Variants in GLRA2 observed in about 807,000 individuals in gnomAD.
GLRA2 encodes the protein glycine receptor subunit alpha-2.
A neutral mutation model predicts 31.6 loss-of-function variants in GLRA2; 11 were observed. That is an observed-to-expected ratio of 0.35 (90% CI 0.22 to 0.58). The LOEUF (loss-of-function observed/expected upper bound fraction) is 0.58, where lower values mean the gene tolerates loss of function less well. Among genes scored for constraint, GLRA2 ranks in the 20% least tolerant of loss-of-function variants. GLRA2 has a pLI of 0.84. For synonymous variants in GLRA2, 132 were observed against 134.0 expected, an observed-to-expected ratio of 0.99 and a Z score of 0.10; for missense variants, 212 against 351.8, an observed-to-expected ratio of 0.60 and a Z score of 3.18.
intron 2 of GLRA2, among the ~76,000 whole-genome samples, chrX:14,548,237 T>C (rs749374430): frequency 9.0e-6 from 1 of 111,261 alleles, no homozygotes; most frequent in East Asian, 2.9e-4. Flanking sequence ...TCCTTATATA[T>C]AACCTAGGAT....
the GLRA2 span, among the ~76,000 whole-genome samples, chrX:14,518,196 T>C: frequency 5.4e-5 from 6 of 112,097 alleles, no homozygotes; most frequent in Non-Finnish European, 3.8e-5. Context: ...AATTAAAGTC[T>C]GAAGAGGCCA....
chrX:14,513,241 ATC>A, the GLRA2 span, among the ~76,000 whole-genome samples: 1 of 111,817 alleles, frequency 8.9e-6, no homozygotes, highest in African/African-American at 3.3e-5. Flanking sequence ...TTGGATCCTC[ATC>A]TCTCAACTTA....
At chrX:14,661,897 A>C (rs2090994791) in intron 7 of GLRA2, among the ~76,000 whole-genome samples, 1 of 105,518 alleles carries the variant, frequency 9.5e-6, no homozygotes, top group Non-Finnish European at 2.0e-5. Context: ...AAAAAAGTAG[A>C]AAACATTTGC....
At chrX:14,643,994 C>G (rs978049878) in intron 7 of GLRA2, among the ~76,000 whole-genome samples, 3 of 111,476 alleles carry the variant, frequency 2.7e-5, no homozygotes, top group African/African-American at 9.8e-5. Flanking sequence ...GTGTCTAACA[C>G]AGAGCTAAAA....
chrX:14,515,729 C>T, the GLRA2 span, among the ~76,000 whole-genome samples: 1 of 111,714 alleles, frequency 9.0e-6, no homozygotes, highest in African/African-American at 3.2e-5. Context: ...GTTTCTTACT[C>T]ATTCTTTGCC....
At chrX:14,649,275 T>C (rs181529387) in intron 7 of GLRA2, among the ~76,000 whole-genome samples, 1 of 111,185 alleles carries the variant, frequency 9.0e-6, no homozygotes, top group Admixed American at 9.6e-5. Context: ...TCCTAGGTAT[T>C]TACCCAAGAG....
At chrX:14,701,379 C>A (rs1202696780) in intron 8 of GLRA2, among the ~76,000 whole-genome samples, 1 of 110,968 alleles carries the variant, frequency 9.0e-6, no homozygotes, top group South Asian at 3.8e-4. Flanking sequence ...AAATGGGCAA[C>A]CCCTGGTTCA....
chrX:14,474,335 T>C, the GLRA2 span, among the ~76,000 whole-genome samples: 1 of 111,540 alleles, frequency 9.0e-6, no homozygotes, highest in African/African-American at 3.3e-5. Flanking sequence ...TGGCTTGGAA[T>C]ACTTTACGCC....
At chrX:14,580,629 G>A (rs2090006549) in intron 3 of GLRA2, among the ~76,000 whole-genome samples, 1 of 112,160 alleles carries the variant, frequency 8.9e-6, no homozygotes, top group Non-Finnish European at 1.9e-5. Context: ...TCAAAAGTAA[G>A]TAGCTGCAAG....
At chrX:14,479,987 A>G in the GLRA2 span, among the ~76,000 whole-genome samples, 4 of 112,103 alleles carry the variant, frequency 3.6e-5, no homozygotes, top group Admixed American at 1.9e-4. Context: ...TTACGTTCCC[A>G]TCAACAGTGT....
At chrX:14,489,338 C>T in the GLRA2 span, among the ~76,000 whole-genome samples, 1 of 111,223 alleles carries the variant, frequency 9.0e-6, no homozygotes, top group African/African-American at 3.3e-5. Context: ...CTAAGTCATG[C>T]AGAATTGGGC....
intron 7 of GLRA2, among the ~76,000 whole-genome samples, chrX:14,680,054 T>C (rs1008644288): frequency 8.9e-6 from 1 of 112,533 alleles, no homozygotes; most frequent in African/African-American, 3.2e-5. Flanking sequence ...AACTGTACCA[T>C]TTTAGTTCAA....
At chrX:14,538,380 C>T (rs754448553) in intron 2 of GLRA2, among the ~76,000 whole-genome samples, 2 of 111,598 alleles carry the variant, frequency 1.8e-5, no homozygotes, top group South Asian at 3.7e-4. Flanking sequence ...ATTGCAATTC[C>T]ACCATTTTTC....
the GLRA2 span, among the ~76,000 whole-genome samples, chrX:14,519,011 C>CAAAA: frequency 7.0e-4 from 19 of 27,254 alleles, no homozygotes; most frequent in African/African-American, 2.2e-3. Flanking sequence ...GACTCGGTCT[C>CAAAA]AAAAAAAAAA....
At chrX:14,465,963 T>C in the GLRA2 span, among the ~76,000 whole-genome samples, 2 of 112,131 alleles carry the variant, frequency 1.8e-5, no homozygotes, top group African/African-American at 6.5e-5. Context: ...TGTATACCCA[T>C]AGGTTTCAGA....
the GLRA2 span, among the ~76,000 whole-genome samples, chrX:14,492,153 A>ACAG: frequency 9.0e-6 from 1 of 111,187 alleles, no homozygotes; most frequent in African/African-American, 3.3e-5. Flanking sequence ...GAAAAAAAAA[A>ACAG]CAGGTGTAAA....
the GLRA2 span, among the ~76,000 whole-genome samples, chrX:14,518,700 A>G: frequency 3.5e-4 from 39 of 110,452 alleles, no homozygotes; most frequent in African/African-American, 1.2e-3. Context: ...AAAATTTTTC[A>G]GTATGAAAGC....
chrX:14,469,468 G>A, the GLRA2 span, among the ~76,000 whole-genome samples: 1 of 107,984 alleles, frequency 9.3e-6, no homozygotes, highest in African/African-American at 3.4e-5. Flanking sequence ...ATGATAGACT[G>A]GATTAAGAAA....
the GLRA2 span, among the ~76,000 whole-genome samples, chrX:14,488,280 A>G: frequency 1.5e-4 from 17 of 112,168 alleles, no homozygotes; most frequent in Non-Finnish European, 3.0e-4. Context: ...TTTAGGTGAT[A>G]CTTTATCCTT....
Sources: allele counts gnomAD v4.1 joint callset (sites outside exome capture counted in the v4.1 genomes callset), GRCh38; gene constraint gnomAD v4.1.1; transcripts MANE v1.5; gene names NCBI Gene and HGNC (gene_info 2026-07-23, HGNC 2026-07-21).